Variants in AK9 observed in about 807,000 individuals in gnomAD.
The protein encoded by AK9 is adenylate kinase domain containing 1.
Under a neutral mutation model 239.6 loss-of-function variants are expected in AK9, and 191 were observed. The ratio of observed to expected loss-of-function variants is 0.80; its 90% CI spans 0.71 to 0.90. The LOEUF (loss-of-function observed/expected upper bound fraction) is 0.90, where lower values mean the gene tolerates loss of function less well. Ranked by LOEUF, AK9 falls within the 40% of genes least tolerant of loss-of-function variation. The pLI is 0.00. For synonymous variants in AK9, 689 were observed against 721.0 expected, an observed-to-expected ratio of 0.96 and a Z score of 0.71; for missense variants, 1,995 against 2,214.7, an observed-to-expected ratio of 0.90 and a Z score of 1.99.
Position 109,542,098 on chromosome 6 carries a change from G to C in AK9, c.3299C>G (p.Pro1100Arg). The C allele has an allele frequency of 2.5e-6, 4 of 1,608,756 alleles. No homozygotes were observed. The highest frequency in any genetic ancestry group is 8.5e-7 in the Non-Finnish European group (1 of 1,176,162). The change falls in exon 27 of 41, where the codon CCT becomes CGT. Residue 1100 changes from proline to arginine, a missense_variant. Pro to Arg is a moderately radical substitution (Grantham distance 103, BLOSUM62 -2). Around this residue, in one of 5 missense-constraint regions of AK9, gnomAD observed 1,290 missense variants for 1,392.7 expected, o/e 0.93. Coordinates refer to ENST00000424296, the MANE Select transcript of AK9 (RefSeq NM_001145128.3). ...SSLMENEPLP[P>R]EILEVILSEW... The stretch of plus-strand genomic sequence containing the variant: ...AGAAAGAATTACTTCAAGAATTTCA[G>C]GAGGCAAGGGCTCATTTTCCATTAG...
chr6:109,636,398 G>A (rs1796714147), intron 10 of AK9, among the ~76,000 whole-genome samples: 2 of 151,788 alleles, frequency 1.3e-5, no homozygotes. Flanking sequence ...TTTAATTGTG[G>A]CAAAATACAC....
At chr6:109,580,476 T>C (rs1334388262) in intron 19 of AK9, among the ~76,000 whole-genome samples, 1 of 152,204 alleles carries the variant, frequency 6.6e-6, no homozygotes, top group Non-Finnish European at 1.5e-5. Flanking sequence ...TGACTGAATC[T>C]TTAAAAAATT....
At chr6:109,624,581 T>C (rs1457051701) in intron 12 of AK9, among the ~76,000 whole-genome samples, 1 of 152,222 alleles carries the variant, frequency 6.6e-6, no homozygotes, top group Admixed American at 6.5e-5. Context: ...CCCAGTCCTT[T>C]CCATGGGACC....
At chr6:109,638,816 G>A (rs765536386) in intron 10 of AK9, among the ~76,000 whole-genome samples, 8 of 151,724 alleles carry the variant, frequency 5.3e-5, no homozygotes, top group Non-Finnish European at 1.0e-4. Flanking sequence ...CCCACCCCAC[G>A]ACAGGCCATG....
chr6:109,649,509 T>G (rs1285527500), intron 8 of AK9, among the ~76,000 whole-genome samples: 1 of 152,058 alleles, frequency 6.6e-6, no homozygotes, highest in African/African-American at 2.4e-5. Flanking sequence ...ATAAAATACC[T>G]AGGAATCCAA....
In AK9 at chr6:109,605,415, TATTC is replaced by T. The variant is rs1226814426; in HGVS notation, c.1842+4946_1842+4949del. Among the ~76,000 whole-genome samples, 3 of 152,208 alleles carry T rather than the reference TATTC, an allele frequency of 2.0e-5. No individual in the cohort carries two copies. The East Asian group carries it at 5.8e-4, about 29-fold the overall frequency. On this transcript the variant is annotated intron_variant, in intron 17 of 40. Coordinates refer to ENST00000424296, the MANE Select transcript of AK9 (RefSeq NM_001145128.3). ...AATGTGACAAGATAATTTATTGAGA[TATTC>T]ATTTGAGTTTTTTCTTGCTATTTTT... is the stretch of plus-strand genomic sequence containing the variant.
intron 17 of AK9, among the ~76,000 whole-genome samples, chr6:109,588,321 G>A (rs867281236): frequency 3.9e-5 from 6 of 152,048 alleles, no homozygotes; most frequent in Non-Finnish European, 7.4e-5. Context: ...CGCCCGTCTC[G>A]GCCTCCCAAA....
At chr6:109,671,803 T>C (rs1770937884) in intron 5 of AK9, 116 bp downstream of exon 5, 5 of 771,336 alleles carry the variant, frequency 6.5e-6, no homozygotes, top group Admixed American at 2.7e-5. Flanking sequence ...ATAGAGATAA[T>C]GAGATTCTTA....
chr6:109,606,074 A>G (rs1246839275), intron 17 of AK9, among the ~76,000 whole-genome samples: 2 of 152,088 alleles, frequency 1.3e-5, no homozygotes, highest in African/African-American at 2.4e-5. Context: ...TTGATCAAAT[A>G]AAATTAAAGT....
chr6:109,575,087 CAT>C (rs760752063), intron 20 of AK9, among the ~76,000 whole-genome samples: 5 of 152,074 alleles, frequency 3.3e-5, no homozygotes, highest in Admixed American at 6.5e-5. Flanking sequence ...ATATATATCA[CAT>C]GTTCTTTATC....
intron 29 of AK9, among the ~76,000 whole-genome samples, chr6:109,521,805 A>T (rs1347388514): frequency 6.6e-6 from 1 of 152,080 alleles, no homozygotes; most frequent in Non-Finnish European, 1.5e-5. Flanking sequence ...TTCTTATTCA[A>T]AATCATGCTA....
chr6:109,526,286 T>C (rs1431766934), intron 29 of AK9, among the ~76,000 whole-genome samples: 1 of 151,174 alleles, frequency 6.6e-6, no homozygotes, highest in Non-Finnish European at 1.5e-5. Context: ...GAACCTAAAA[T>C]ACAAATTGAA....
intron 1 of AK9, among the ~76,000 whole-genome samples, chr6:109,676,326 G>T (rs7767805): frequency 0.072 from 10,923 of 152,026 alleles, 595 homozygotes; most frequent in East Asian, 0.15. Context: ...CTCTTAAGCG[G>T]ATTTCTAGGC....
chr6:109,663,075 A>G (rs1010026750), intron 5 of AK9, among the ~76,000 whole-genome samples: 1 of 152,088 alleles, frequency 6.6e-6, no homozygotes, highest in South Asian at 2.1e-4. Context: ...ATAGTAGAAC[A>G]TGTGTGTATA....
chr6:109,669,477 A>G (rs12663805), intron 5 of AK9, among the ~76,000 whole-genome samples: 88,298 of 151,674 alleles, frequency 0.58, 27,380 homozygotes, highest in South Asian at 0.84. Context: ...AGTTTTCAAA[A>G]GGAATGCTTC....
chr6:109,556,814 G>A (rs1785055359), intron 24 of AK9, among the ~76,000 whole-genome samples: 1 of 151,688 alleles, frequency 6.6e-6, no homozygotes, highest in Non-Finnish European at 1.5e-5. Flanking sequence ...TGACACTTGT[G>A]TATGCTTCAC....
chr6:109,499,510 T>A (rs1480595804), intron 35 of AK9, among the ~76,000 whole-genome samples: 1 of 152,186 alleles, frequency 6.6e-6, no homozygotes, highest in African/African-American at 2.4e-5. Flanking sequence ...ATAGTATGCT[T>A]GTGCCACTAT....
At chr6:109,594,442 G>A (rs1790733083) in intron 17 of AK9, among the ~76,000 whole-genome samples, 1 of 152,142 alleles carries the variant, frequency 6.6e-6, no homozygotes, top group South Asian at 2.1e-4. Context: ...ACTGCCCAAA[G>A]TAATTTATAG....
chr6:109,652,504 C>A (rs926534150), intron 8 of AK9, among the ~76,000 whole-genome samples: 2 of 152,128 alleles, frequency 1.3e-5, no homozygotes, highest in African/African-American at 4.8e-5. Flanking sequence ...ACTTCCCCTA[C>A]ACTTTTTATA....
Sources: gnomAD v4.1 joint callset for allele counts (sites outside exome capture counted in the v4.1 genomes callset) on GRCh38, gnomAD v4.1.1 for gene constraint, gnomAD v4.1.1 regional missense constraint, MANE v1.5 for transcripts, NCBI Gene and HGNC (gene_info 2026-07-23, HGNC 2026-07-21) for gene names.